Variants in SLC38A12 observed in about 807,000 individuals in gnomAD.
The protein encoded by SLC38A12 is solute carrier family 38 member 12.
the SLC38A12 span, among the ~76,000 whole-genome samples, chr17:74,818,525 C>T: frequency 1.3e-5 from 2 of 149,758 alleles, no homozygotes; most frequent in South Asian, 2.2e-4. Flanking sequence ...AGGTGGGGGG[C>T]GGGGGGCGGG....
the SLC38A12 span, among the ~76,000 whole-genome samples, chr17:74,809,133 A>C: frequency 3.9e-5 from 6 of 152,178 alleles, no homozygotes; most frequent in Admixed American, 3.9e-4. Flanking sequence ...GAAATTGAGC[A>C]TGTCATTTAC....
chr17:74,808,257 TC>T, the SLC38A12 span, among the ~76,000 whole-genome samples: 10 of 152,244 alleles, frequency 6.6e-5, no homozygotes, highest in Non-Finnish European at 1.5e-4. Flanking sequence ...AGACAGCCCT[TC>T]CATCAGGATG....
chr17:74,795,213 A>C, the SLC38A12 span: 1 of 978,878 alleles, frequency 1.0e-6, no homozygotes, highest in Non-Finnish European at 1.6e-6. Flanking sequence ...AAGTGAGTTC[A>C]TTGCATCTAG....
At chr17:74,835,776 T>C in the SLC38A12 span, 1 of 1,438,782 alleles carries the variant, frequency 7.0e-7, no homozygotes, top group Admixed American at 2.3e-5. Flanking sequence ...GCAGCCACTG[T>C]TGAGCCACCC....
chr17:74,796,818 T>C, the SLC38A12 span, among the ~76,000 whole-genome samples: 295 of 152,368 alleles, frequency 1.9e-3, no homozygotes, highest in African/African-American at 6.4e-3. Context: ...GAAAAGGTAC[T>C]GGCATGGCAG....
At chr17:74,836,429 G>A in the SLC38A12 span, 2 of 1,609,408 alleles carry the variant, frequency 1.2e-6, no homozygotes, top group East Asian at 4.5e-5. The surrounding 1 kb of genome is among the most constrained non-coding windows in gnomAD (Gnocchi z 4.2). Context: ...CTGTGCTGGT[G>A]GCCTTCTGCA....
chr17:74,819,762 C>G, the SLC38A12 span: 1 of 1,614,246 alleles, frequency 6.2e-7, no homozygotes, highest in South Asian at 1.1e-5. Context: ...GATCTTCACT[C>G]TCCTCCTCGG....
At chr17:74,779,968 T>C in the SLC38A12 span, among the ~76,000 whole-genome samples, 1 of 152,248 alleles carries the variant, frequency 6.6e-6, no homozygotes, top group Admixed American at 6.5e-5. Context: ...GAGAGGTACA[T>C]GTCCCCTTAA....
chr17:74,777,745 C>T, the SLC38A12 span: 3 of 563,100 alleles, frequency 5.3e-6, no homozygotes, highest in Admixed American at 7.9e-5. Flanking sequence ...CATGGTAAAA[C>T]CCTGTCTCTA....
At chr17:74,832,757 G>C in the SLC38A12 span, among the ~76,000 whole-genome samples, 119 of 152,360 alleles carry the variant, frequency 7.8e-4, no homozygotes, top group African/African-American at 2.8e-3. Context: ...AGCTGCGCCT[G>C]CCCCGTCAGG....
chr17:74,792,349 G>A, the SLC38A12 span, among the ~76,000 whole-genome samples: 166 of 152,092 alleles, frequency 1.1e-3, no homozygotes, highest in Middle Eastern at 3.4e-3. Flanking sequence ...TACTCCAGAG[G>A]CTGAAGCACA....
chr17:74,801,067 A>G, the SLC38A12 span, among the ~76,000 whole-genome samples: 1 of 152,186 alleles, frequency 6.6e-6, no homozygotes, highest in Non-Finnish European at 1.5e-5. Flanking sequence ...TGGAGGGGGA[A>G]GGGTGTTGCT....
At chr17:74,800,528 C>T in the SLC38A12 span, among the ~76,000 whole-genome samples, 24,292 of 152,212 alleles carry the variant, frequency 0.16, 2,078 homozygotes, top group Non-Finnish European at 0.16. Context: ...GTCAACGCTG[C>T]CTTCACTTGA....
chr17:74,826,909 C>T, the SLC38A12 span, among the ~76,000 whole-genome samples: 1 of 152,184 alleles, frequency 6.6e-6, no homozygotes. Context: ...CTGAGGGTCA[C>T]TCTGGTTGGC....
chr17:74,784,274 A>C, the SLC38A12 span, among the ~76,000 whole-genome samples: 1 of 152,216 alleles, frequency 6.6e-6, no homozygotes, highest in Non-Finnish European at 1.5e-5. Context: ...CCAATTTAGC[A>C]GAGTACAGGA....
At chr17:74,830,810 A>T in the SLC38A12 span, among the ~76,000 whole-genome samples, 1 of 151,438 alleles carries the variant, frequency 6.6e-6, no homozygotes. Flanking sequence ...TGTCTTCCTC[A>T]CTCCCTCCCC....
At chr17:74,830,570 C>T in the SLC38A12 span, among the ~76,000 whole-genome samples, 2 of 152,220 alleles carry the variant, frequency 1.3e-5, no homozygotes, top group Non-Finnish European at 2.9e-5. Context: ...AAATTGCTCC[C>T]TGACCGCCAC....
the SLC38A12 span, chr17:74,835,867 G>C: frequency 6.6e-7 from 1 of 1,526,116 alleles, no homozygotes; most frequent in Non-Finnish European, 8.8e-7. Flanking sequence ...CCCCAGACCA[G>C]AAACTCAAGG....
the SLC38A12 span, chr17:74,836,431 C>T: frequency 7.0e-5 from 113 of 1,608,518 alleles, no homozygotes; most frequent in Non-Finnish European, 9.0e-5. This position sits in a 1 kb window ranked among gnomAD's most constrained non-coding sequence, Gnocchi z 4.2. Flanking sequence ...GTGCTGGTGG[C>T]CTTCTGCACC....
Sources: allele counts gnomAD v4.1 joint callset (sites outside exome capture counted in the v4.1 genomes callset), GRCh38; gene constraint gnomAD v4.1.1; non-coding constraint Gnocchi (gnomAD v3.1); transcripts MANE v1.5; gene names NCBI Gene and HGNC (gene_info 2026-07-23, HGNC 2026-07-21).